The following REG4 variants were observed in gnomAD, a reference collection of about 807,000 sequenced individuals.
REG4 encodes regenerating family member 4.
Under a neutral mutation model 22.3 loss-of-function variants are expected in REG4, and 16 were observed. The observed-to-expected ratio is 0.72, with a 90% CI of 0.49 to 1.09. The LOEUF (loss-of-function observed/expected upper bound fraction) is 1.09. REG4 is among the 50% of genes least tolerant of loss of function. REG4 has a pLI of 0.00. For synonymous variants in REG4, 71 were observed against 69.2 expected, an observed-to-expected ratio of 1.03 and a Z score of -0.13; for missense variants, 214 against 193.9, an observed-to-expected ratio of 1.10 and a Z score of -0.61.
chr1:119,806,783 C>G (rs1019467975), intron 2 of REG4, among the ~76,000 whole-genome samples: 2 of 152,208 alleles, frequency 1.3e-5, no homozygotes, highest in African/African-American at 4.8e-5. Flanking sequence ...CTTGCCTGGA[C>G]TACTCCAATA....
intron 1 of REG4, among the ~76,000 whole-genome samples, chr1:119,810,096 A>G (rs1654452345): frequency 6.6e-6 from 1 of 151,466 alleles, no homozygotes; most frequent in Non-Finnish European, 1.5e-5. Flanking sequence ...CTCAGTTTGT[A>G]TTTTTCTCTT....
chr1:119,808,514 T>A (rs911512900), intron 2 of REG4, among the ~76,000 whole-genome samples, 189 bp downstream of exon 2: 6 of 152,232 alleles, frequency 3.9e-5, no homozygotes, highest in African/African-American at 1.2e-4. Context: ...TATAATCATA[T>A]GGAATTGAGT....
intron 3 of REG4, among the ~76,000 whole-genome samples, chr1:119,800,164 C>G (rs1654055041): frequency 6.6e-6 from 1 of 152,222 alleles, no homozygotes; most frequent in Non-Finnish European, 1.5e-5. Context: ...CACTTCACCT[C>G]TCTGAGGCTC....
At chr1:119,795,709 G>C (rs1653918473) in intron 5 of REG4, among the ~76,000 whole-genome samples, 1 of 152,170 alleles carries the variant, frequency 6.6e-6, no homozygotes, top group Non-Finnish European at 1.5e-5. Flanking sequence ...CCCACTCCTG[G>C]TTCTCAGGAG....
intron 5 of REG4, among the ~76,000 whole-genome samples, chr1:119,796,846 A>G (rs1009030776): frequency 1.2e-4 from 19 of 152,178 alleles, no homozygotes; most frequent in Admixed American, 1.3e-4. Context: ...TGATGTGATC[A>G]TCGACTCACA....
chr1:119,803,703 AG>A (rs587638579), intron 2 of REG4, among the ~76,000 whole-genome samples: 38 of 152,366 alleles, frequency 2.5e-4, no homozygotes, highest in African/African-American at 9.1e-4. Flanking sequence ...AGAGTGGATG[AG>A]GGACACAAAT....
chr1:119,806,659 T>G (rs1352143238), intron 2 of REG4, among the ~76,000 whole-genome samples: 3 of 152,166 alleles, frequency 2.0e-5, no homozygotes, highest in Non-Finnish European at 2.9e-5. Flanking sequence ...TGGTGGAAAC[T>G]GGGAGAGAAG....
In REG4 at chr1:119,794,633, G is replaced by A. The variant is rs774119858; in HGVS notation, c.462C>T (p.Cys154=). ...GATTCTTGCTCTATGGTCGGTACTT[G>A]CACAGGAAGTGTTGGCGCTTGTTGC... ...NECNKRQHFL[C]KYRP Residue 154 remains cysteine, a synonymous_variant, in exon 6 of 6, where the codon TGC becomes TGT. Transcript: ENST00000256585. The A allele has an allele frequency of 2.5e-6, 4 of 1,614,054 alleles. No individual in the cohort carries two copies. In the South Asian group the frequency reaches 4.4e-5, roughly 18 times the overall value.
At chr1:119,802,142 CTG>C (rs1429887448) in intron 3 of REG4, 6 of 170,750 alleles carry the variant, frequency 3.5e-5, no homozygotes, top group African/African-American at 1.2e-4. Context: ...TTTCTTCACT[CTG>C]TTTCTCTCCC....
chr1:119,798,457 C>A, intron 5 of REG4, 40 bp downstream of exon 5: 4 of 1,492,652 alleles, frequency 2.7e-6, no homozygotes, highest in East Asian at 2.3e-5. Context: ...GAAGAGTCTG[C>A]GCATTGGGAA....
At chr1:119,809,817 C>A (rs1043061932) in intron 1 of REG4, among the ~76,000 whole-genome samples, 2 of 152,102 alleles carry the variant, frequency 1.3e-5, no homozygotes, top group African/African-American at 4.8e-5. Flanking sequence ...GGATTGGTTC[C>A]CTAAGCTCCC....
At chr1:119,805,880 C>G (rs971812946) in intron 2 of REG4, among the ~76,000 whole-genome samples, 5 of 152,094 alleles carry the variant, frequency 3.3e-5, no homozygotes, top group African/African-American at 9.7e-5. Flanking sequence ...TGGCCGTGAG[C>G]TCCTTGGTGG....
At chr1:119,795,506 G>A (rs1653910290) in intron 5 of REG4, among the ~76,000 whole-genome samples, 1 of 152,242 alleles carries the variant, frequency 6.6e-6, no homozygotes, top group Non-Finnish European at 1.5e-5. Context: ...TTTTTGAGGT[G>A]AGATCCAACT....
At chr1:119,803,213 C>G in intron 2 of REG4, 48 bp from the exon 3 acceptor site, 2 of 1,487,692 alleles carry the variant, frequency 1.3e-6, no homozygotes, top group South Asian at 2.9e-5. Context: ...CAAAAACAAT[C>G]AATTCCCAGA....
intron 1 of REG4, among the ~76,000 whole-genome samples, chr1:119,810,522 C>G (rs778331889): frequency 5.9e-5 from 9 of 152,112 alleles, no homozygotes; most frequent in Non-Finnish European, 1.0e-4. Context: ...GTGGATGTGA[C>G]CTTCCCCACC....
intron 2 of REG4, 54 bp downstream of exon 2, chr1:119,808,649 G>T: frequency 8.1e-7 from 1 of 1,236,450 alleles, no homozygotes; most frequent in Non-Finnish European, 1.2e-6. Flanking sequence ...TGTCTCACAT[G>T]GGCTGTGTGA....
At position 119,799,797 on chromosome 1, in the gene REG4, G is replaced by T. The variant is rs762594247; in HGVS notation, c.231C>A (p.Ser77Arg). The change falls in exon 4 of 6, where the codon AGC becomes AGA. Residue 77 changes from serine (S) to arginine (R), a missense_variant. Physicochemically the swap from Ser to Arg is moderately radical, Grantham distance 110. Coordinates refer to ENST00000256585, the MANE Select transcript of REG4 (RefSeq NM_032044.4). Reference sequence around the variant, plus strand: ...AGCCACTTATGTACTCTGCTATGGTGCTGGCTTCCTTTAAACTCAGGATAG... The same window carrying T: ...AGCCACTTATGTACTCTGCTATGGTTCTGGCTTCCTTTAAACTCAGGATAG... ...LASILSLKEA[S>R]TIAEYISGYQ... is the part of the protein sequence containing the mutation. 41 of 1,614,178 alleles carry T rather than the reference G, an allele frequency of 2.5e-5. No individual in the cohort carries two copies. The South Asian group carries it at 3.7e-4, about 15-fold the overall frequency.
intron 4 of REG4, 107 bp from the exon 5 acceptor site, chr1:119,798,709 G>A: frequency 4.0e-6 from 3 of 744,292 alleles, no homozygotes; most frequent in South Asian, 1.9e-5. Context: ...GCAAACATTG[G>A]GAAAGTACAG....
At chr1:119,803,004 T>C in intron 3 of REG4, 64 bp downstream of exon 3, 1 of 1,605,538 alleles carries the variant, frequency 6.2e-7, no homozygotes, top group South Asian at 1.1e-5. Context: ...TCAAATGAGA[T>C]CTGGGGCTCT....
Sources: allele counts gnomAD v4.1 joint callset (sites outside exome capture counted in the v4.1 genomes callset), GRCh38; gene constraint gnomAD v4.1.1; transcripts MANE v1.5; gene names NCBI Gene and HGNC (gene_info 2026-07-23, HGNC 2026-07-21).